Variants in NRG1 observed in about 807,000 individuals in gnomAD.
NRG1 encodes the protein neuregulin 1, also known as pro-neuregulin-1, membrane-bound isoform.
NRG1 carries 18 observed loss-of-function variants against 63.8 expected under a neutral mutation model. That is an observed-to-expected ratio of 0.28 (90% CI 0.19 to 0.42). The LOEUF is 0.42. Ranked by LOEUF, NRG1 falls within the 10% of genes least tolerant of loss-of-function variation. NRG1 has a pLI of 1.00. For missense variants in NRG1, 762 were observed against 814.7 expected, an observed-to-expected ratio of 0.94 and a Z score of 0.79; for synonymous variants, 302 against 301.3, an observed-to-expected ratio of 1.00 and a Z score of -0.02.
chr8:32,052,807 T>C (rs997441867), intron 1 of NRG1, among the ~76,000 whole-genome samples: 22 of 152,166 alleles, frequency 1.4e-4, no homozygotes, highest in Non-Finnish European at 3.1e-4. Context: ...TTATGTTCTC[T>C]CATAGTTCTA....
At chr8:31,722,463 G>T (rs1364328873) in intron 1 of NRG1, among the ~76,000 whole-genome samples, 2 of 152,062 alleles carry the variant, frequency 1.3e-5, no homozygotes, top group African/African-American at 4.8e-5. Context: ...AGAGTCCCCA[G>T]GGTATATCAT....
intron 1 of NRG1, among the ~76,000 whole-genome samples, chr8:32,476,518 A>T (rs150347614): frequency 0.028 from 4,212 of 152,312 alleles, 78 homozygotes; most frequent in Non-Finnish European, 0.04. Context: ...AAATGAACAT[A>T]ATCTTTTATG....
chr8:31,740,581 A>G (rs941597155), intron 1 of NRG1, among the ~76,000 whole-genome samples: 1 of 152,040 alleles, frequency 6.6e-6, no homozygotes, highest in Non-Finnish European at 1.5e-5. Context: ...CTAACAAAAA[A>G]TTGCCAAGCT....
At chr8:32,252,818 T>C (rs980051823) in intron 1 of NRG1, among the ~76,000 whole-genome samples, 2 of 152,226 alleles carry the variant, frequency 1.3e-5, no homozygotes, top group Non-Finnish European at 2.9e-5. Flanking sequence ...TGATTCTTCC[T>C]ATCCATGAGC....
chr8:31,674,455 T>G (rs1278199065), intron 1 of NRG1, among the ~76,000 whole-genome samples: 11 of 152,186 alleles, frequency 7.2e-5, no homozygotes, highest in African/African-American at 2.7e-4. Flanking sequence ...TACTTTCACC[T>G]AGTCAGTGAG....
At chr8:32,349,257 C>A (rs1398678963) in intron 1 of NRG1, among the ~76,000 whole-genome samples, 1 of 152,176 alleles carries the variant, frequency 6.6e-6, no homozygotes, top group Non-Finnish European at 1.5e-5. Context: ...CTGTTAGGGA[C>A]AGGATATATC....
intron 3 of NRG1, 127 bp downstream of exon 3, chr8:32,605,810 C>T (rs2129539560): frequency 5.5e-6 from 6 of 1,093,856 alleles, no homozygotes; most frequent in Non-Finnish European, 7.7e-6. Flanking sequence ...AGAAAGAAAA[C>T]CAGATGTTTC....
At chr8:32,460,987 T>C (rs577589763) in intron 1 of NRG1, among the ~76,000 whole-genome samples, 1 of 152,254 alleles carries the variant, frequency 6.6e-6, no homozygotes, top group South Asian at 2.1e-4. Context: ...GAGAAACATA[T>C]ATATGTATAA....
At chr8:32,615,184 A>G (rs1847125866) in intron 4 of NRG1, among the ~76,000 whole-genome samples, 1 of 152,134 alleles carries the variant, frequency 6.6e-6, no homozygotes, top group African/African-American at 2.4e-5. Context: ...ACCATAATTC[A>G]TTGATTTCTT....
intron 1 of NRG1, among the ~76,000 whole-genome samples, chr8:31,696,856 GGTGTGT>G (rs1407706378): frequency 6.6e-6 from 1 of 152,004 alleles, no homozygotes; most frequent in South Asian, 2.1e-4. Context: ...AGTGTGCATA[GGTGTGT>G]GTGTGTATGC....
At chr8:32,593,737 T>C (rs1261487259) in intron 1 of NRG1, among the ~76,000 whole-genome samples, 1 of 151,964 alleles carries the variant, frequency 6.6e-6, no homozygotes, top group Non-Finnish European at 1.5e-5. Flanking sequence ...GTAGACACTA[T>C]TTCAGATAAC....
intron 1 of NRG1, among the ~76,000 whole-genome samples, chr8:31,779,381 G>A (rs950168154): frequency 2.0e-5 from 3 of 151,850 alleles, no homozygotes; most frequent in Non-Finnish European, 4.4e-5. Flanking sequence ...GGTTGGTGAA[G>A]CATTTTGCTA....
At chr8:32,511,676 C>T (rs1319957655) in intron 1 of NRG1, among the ~76,000 whole-genome samples, 1 of 151,952 alleles carries the variant, frequency 6.6e-6, no homozygotes, top group Non-Finnish European at 1.5e-5. Context: ...GTTTGTCCAC[C>T]AAGTTGCAAT....
intron 1 of NRG1, among the ~76,000 whole-genome samples, chr8:32,348,612 AATTGTAT>A (rs754506170): frequency 8.3e-4 from 127 of 152,294 alleles, no homozygotes; most frequent in South Asian, 1.7e-3. Flanking sequence ...TTACTTACTC[AATTGTAT>A]AGTGTTTTGA....
At chr8:32,283,271 GC>G (rs1446022793) in intron 1 of NRG1, among the ~76,000 whole-genome samples, 1 of 151,908 alleles carries the variant, frequency 6.6e-6, no homozygotes, top group African/African-American at 2.4e-5. Flanking sequence ...CATTTGCTCA[GC>G]TTTTCTGAAA....
chr8:32,502,100 G>T (rs73579860), intron 1 of NRG1, among the ~76,000 whole-genome samples: 1 of 152,098 alleles, frequency 6.6e-6, no homozygotes, highest in Non-Finnish European at 1.5e-5. Flanking sequence ...ACAAAGAAAA[G>T]AGGTTGACTC....
intron 1 of NRG1, among the ~76,000 whole-genome samples, chr8:31,796,938 C>G (rs955962286): frequency 3.9e-5 from 6 of 152,056 alleles, no homozygotes; most frequent in Non-Finnish European, 8.8e-5. Context: ...TTTGCAAGAT[C>G]AGTGATTATA....
At chr8:32,486,403 C>A (rs115677783) in intron 1 of NRG1, among the ~76,000 whole-genome samples, 1,848 of 152,230 alleles carry the variant, frequency 0.012, 42 homozygotes, top group African/African-American at 0.042. Flanking sequence ...TGCAATGAAA[C>A]TCTACTTACG....
intron 1 of NRG1, among the ~76,000 whole-genome samples, chr8:31,738,164 A>G (rs1814883017): frequency 6.6e-6 from 1 of 152,112 alleles, no homozygotes; most frequent in Non-Finnish European, 1.5e-5. Context: ...TGAGGCCTAT[A>G]ACCAAAGTCC....
Sources: allele counts gnomAD v4.1 joint callset (sites outside exome capture counted in the v4.1 genomes callset), GRCh38; gene constraint gnomAD v4.1.1; transcripts MANE v1.5; gene names NCBI Gene and HGNC (gene_info 2026-07-23, HGNC 2026-07-21).